The following HDAC7 variants were observed in gnomAD, a reference collection of about 807,000 sequenced individuals.
HDAC7 encodes the protein histone deacetylase 7.
HDAC7 carries 26 observed loss-of-function variants against 115.5 expected under a neutral mutation model. That is an observed-to-expected ratio of 0.23 (90% confidence interval 0.16 to 0.31). HDAC7 has a LOEUF of 0.31. HDAC7 is among the 10% of genes least tolerant of loss of function. The pLI, the probability that HDAC7 is intolerant of heterozygous loss-of-function variation, is 1.00. For synonymous variants in HDAC7, 564 were observed against 550.9 expected (o/e 1.02, Z -0.33); for missense variants, 1,068 against 1,329.0 (o/e 0.80, Z 3.05).
rs1385042994 is a variant in HDAC7 at position 47,797,340 on chromosome 12, C to A, written c.577+44G>T. Reference sequence around the variant, plus strand: ...CTCCTCCCCCATGTCCGAGGCCCTTCCCCCTTCCTTTGCCTGAAAGGTCCG... The same window carrying A: ...CTCCTCCCCCATGTCCGAGGCCCTTACCCCTTCCTTTGCCTGAAAGGTCCG... On this transcript the variant is annotated intron_variant, in intron 6 of 25. Transcript: ENST00000080059. The surrounding 1 kb of genome is among the most constrained non-coding windows in gnomAD (Gnocchi z 5.5). 1 of 1,483,580 alleles carries A rather than the reference C, an allele frequency of 6.7e-7. No homozygotes were observed. Among genetic ancestry groups the A allele is most frequent in the African/African-American group, 1.4e-5 (1 of 72,072 alleles). The allele number at this position is 1,483,580 out of a possible 1,614,324, so 91.9% of individuals were successfully genotyped here. A position where few individuals can be genotyped will look rare whatever the true frequency, so the allele number is the denominator to read the frequency against.
Position 47,788,167 on chromosome 12 carries a change from G to A in HDAC7, c.2236-3C>T, listed in dbSNP as rs771365178. The A allele has an allele frequency of 1.9e-6, 3 of 1,601,288 alleles. No homozygotes were observed. Among genetic ancestry groups the A allele is most frequent in the Non-Finnish European group, 2.6e-6 (3 of 1,173,080 alleles). On this transcript the variant is annotated splice_region_variant and splice_polypyrimidine_tract_variant and intron_variant, in intron 19 of 25. Transcript: ENST00000080059. ...GTGCCGTTGCCATGGTGCACGTCCT[G>A]TGTAGGGAGACGGGCAGCGATTAGG...
In HDAC7 at chr12:47,785,824, C is replaced by T. The variant is rs749821986; in HGVS notation, c.2634G>A (p.Leu878=). The T allele has an allele frequency of 3.1e-6, 5 of 1,612,284 alleles. No individual in the cohort carries two copies. Reference sequence around the variant, plus strand: ...TGGCTGTGAGGTCATGGCCACCCTCCAAGGCCAGCACCACTGCGCCTCCTG... The same window carrying T: ...TGGCTGTGAGGTCATGGCCACCCTCTAAGGCCAGCACCACTGCGCCTCCTG... ...NLAGGAVVLA[L]EGGHDLTAIC... is the part of the protein sequence containing the mutation. Residue 878 remains leucine, a synonymous_variant, in exon 23 of 26, where the codon TTG becomes TTA. Coordinates refer to ENST00000080059, the MANE Select transcript of HDAC7 (RefSeq NM_015401.5).
rs1943914877 is a variant in HDAC7 at position 47,797,389 on chromosome 12, T to C, written c.572A>G (p.Lys191Arg). 2 of 1,613,696 alleles carry C rather than the reference T, an allele frequency of 1.2e-6. No individual in the cohort carries two copies. The highest frequency in any genetic ancestry group is 1.7e-6 in the Non-Finnish European group (2 of 1,179,734). The change falls in exon 6 of 26, where the codon AAG (lysine) becomes AGG (arginine). Residue 191 changes from lysine (K) to arginine (R), a missense_variant. This residue lies in a region of HDAC7 where 618 missense variants were observed against 701.5 expected (regional missense o/e 0.88). Coordinates refer to ENST00000080059, the MANE Select transcript of HDAC7 (RefSeq NM_015401.5). The surrounding 1 kb of genome is among the most constrained non-coding windows in gnomAD (Gnocchi z 5.5). ...CGCCTGTTTGTTCAGCTCACCTGTC[T>C]TGCGCAGAGGGAAGTGCTCTGGGGG... ...SDPPEHFPLR[K>R]TVSEPNLKLR...
intron 21 of HDAC7, among the ~76,000 whole-genome samples, chr12:47,787,267 CT>C (rs1943225298): frequency 6.6e-6 from 1 of 152,168 alleles, no homozygotes; most frequent in South Asian, 2.1e-4. Context: ...TCCTCTACCC[CT>C]GATCCAACTC....
intron 1 of HDAC7, among the ~76,000 whole-genome samples, chr12:47,810,838 C>CTA (rs1565585952): frequency 1.0e-4 from 9 of 88,658 alleles, no homozygotes; most frequent in African/African-American, 4.3e-4. Flanking sequence ...CTCTCTCTCT[C>CTA]TCTCTCTCTA....
chr12:47,784,552 G>A, intron 24 of HDAC7: 1 of 644,486 alleles, frequency 1.6e-6, no homozygotes, highest in Non-Finnish European at 2.6e-6. Flanking sequence ...CTGCTTGCCT[G>A]CAGACAGGGT....
chr12:47,795,411 G>A lies in HDAC7; in HGVS notation c.1088-31C>T, dbSNP rs1242846099. ...AAGAATCGGGGGGTGGAATAAGGAG[G>A]GAACCACAGGGAGCAATGGAAGGAA... On this transcript the variant is annotated intron_variant, in intron 10 of 25. Transcript: ENST00000080059. This position sits in a 1 kb window ranked among gnomAD's most constrained non-coding sequence, Gnocchi z 4.3. 6.5e-7 allele frequency: 1 copy of A among 1,546,788 alleles called. No individual in the cohort carries two copies. The highest frequency in any genetic ancestry group is 2.4e-5 in the East Asian group (1 of 41,272).
intron 12 of HDAC7, among the ~76,000 whole-genome samples, chr12:47,794,188 C>T (rs1172803734): frequency 2.0e-5 from 3 of 152,190 alleles, no homozygotes; most frequent in African/African-American, 7.2e-5. Context: ...CATCCACAAG[C>T]CAAGGAGAGA....
chr12:47,796,324 G>A, intron 7 of HDAC7, 26 bp from the exon 8 acceptor site: 7 of 1,554,910 alleles, frequency 4.5e-6, no homozygotes, highest in Non-Finnish European at 5.2e-6. Flanking sequence ...AGAGGGAAGT[G>A]CAGTCAGAGG....
intron 21 of HDAC7, 135 bp from the exon 22 acceptor site, chr12:47,786,838 C>A: frequency 1.5e-6 from 1 of 679,270 alleles, no homozygotes; most frequent in South Asian, 1.8e-5. Context: ...GCAGATTTCT[C>A]TGACCTCCTT....
intron 1 of HDAC7, among the ~76,000 whole-genome samples, chr12:47,804,359 C>T (rs1944300546): frequency 6.6e-6 from 1 of 152,078 alleles, no homozygotes; most frequent in South Asian, 2.1e-4. Context: ...GAACAGCTCT[C>T]TTTGTGTCCT....
chr12:47,816,682 C>G (rs2137077461), intron 1 of HDAC7, among the ~76,000 whole-genome samples: 1 of 152,320 alleles, frequency 6.6e-6, no homozygotes, highest in African/African-American at 2.4e-5. Context: ...TGAAAACATC[C>G]CTCCCACCTC....
In HDAC7 at chr12:47,782,843, T is replaced by A. The variant is rs377535060; in HGVS notation, c.*998A>T. 2 of 78,116 alleles carry A rather than the reference T, an allele frequency of 2.6e-5. No homozygotes were observed. The highest frequency in any genetic ancestry group is 3.2e-5 in the Non-Finnish European group (1 of 31,304). The allele number at this position is 78,116 out of a possible 1,614,324, so 4.8% of individuals were successfully genotyped here. On this transcript the variant is annotated 3_prime_UTR_variant, in exon 26 of 26. Coordinates refer to ENST00000080059, the MANE Select transcript of HDAC7 (RefSeq NM_015401.5). ...GGAAAGACACACACACACGCCTCACTCACACACACGCTCACACACACGCCT... is the reference window on the plus strand; with the variant it reads ...GGAAAGACACACACACACGCCTCACACACACACACGCTCACACACACGCCT...
intron 24 of HDAC7, chr12:47,784,586 G>A: frequency 1.2e-6 from 1 of 805,860 alleles, no homozygotes; most frequent in Non-Finnish European, 1.9e-6. Flanking sequence ...ACCTCCCAGA[G>A]CCCCAAGCTC....
intron 1 of HDAC7, chr12:47,817,508 C>T (rs1182973060): frequency 6.6e-6 from 1 of 152,374 alleles, no homozygotes; most frequent in Non-Finnish European, 1.5e-5. Context: ...AGACTTTATT[C>T]AGGCCCTGCT....
At chr12:47,790,153 T>G in intron 16 of HDAC7, 3 of 527,468 alleles carry the variant, frequency 5.7e-6, no homozygotes, top group Non-Finnish European at 6.9e-6. Flanking sequence ...GCCAGCACTC[T>G]GCTGGCAGCA....
At chr12:47,789,159 G>T in intron 19 of HDAC7, 102 bp downstream of exon 19, 1 of 887,244 alleles carries the variant, frequency 1.1e-6, no homozygotes. Context: ...GGCTCAGAGA[G>T]GCTACTGCAG....
At position 47,793,331 on chromosome 12, in the gene HDAC7, G is replaced by GCCCCAACCACC; in HGVS notation, c.1678+37_1678+38insGGTGGTTGGGG. The GCCCCAACCACC allele has an allele frequency of 7.7e-7, 1 of 1,305,504 alleles. No individual in the cohort carries two copies. The highest frequency in any genetic ancestry group is 1.0e-6 in the Non-Finnish European group (1 of 952,724). The allele number at this position is 1,305,504 out of a possible 1,614,324, so 80.9% of individuals were successfully genotyped here. A position where few individuals can be genotyped will look rare whatever the true frequency, so the allele number is the denominator to read the frequency against. On this transcript the variant is annotated intron_variant, in intron 13 of 25. Transcript: ENST00000080059. This position sits in a 1 kb window ranked among gnomAD's most constrained non-coding sequence, Gnocchi z 4.5. ...CACCCACATGGACTCGTGCAGCCGA[G>GCCCCAACCACC]CCCCTCCCTCCACCCGCCACCCTCC...
chr12:47,812,574 A>C (rs1258192868), intron 1 of HDAC7, among the ~76,000 whole-genome samples: 1 of 152,202 alleles, frequency 6.6e-6, no homozygotes, highest in Non-Finnish European at 1.5e-5. Flanking sequence ...AAATGTGCCC[A>C]TAATCACACT....
Sources: gnomAD v4.1 joint callset for allele counts (sites outside exome capture counted in the v4.1 genomes callset) on GRCh38, gnomAD v4.1.1 for gene constraint, gnomAD v4.1.1 regional missense constraint, Gnocchi (gnomAD v3.1) non-coding constraint, MANE v1.5 for transcripts, NCBI Gene and HGNC (gene_info 2026-07-23, HGNC 2026-07-21) for gene names.